The following NPEPPS variants were observed in gnomAD, a reference collection of about 807,000 sequenced individuals.
NPEPPS encodes the protein aminopeptidase puromycin sensitive, also known as puromycin-sensitive aminopeptidase.
In NPEPPS, 14 loss-of-function variants were observed where a neutral mutation model predicts 115.5. That is an observed-to-expected ratio of 0.12 (90% CI 0.08 to 0.19). The LOEUF (loss-of-function observed/expected upper bound fraction) is 0.19. Among genes scored for constraint, NPEPPS ranks in the 10% least tolerant of loss-of-function variants. The pLI is 1.00. For synonymous variants in NPEPPS, 285 were observed against 390.6 expected, an observed-to-expected ratio of 0.73 and a Z score of 3.19; for missense variants, 523 against 1,110.8, an observed-to-expected ratio of 0.47 and a Z score of 7.52.
At chr17:47,584,450 T>C (rs1415904076) in intron 5 of NPEPPS, among the ~76,000 whole-genome samples, 1 of 152,128 alleles carries the variant, frequency 6.6e-6, no homozygotes, top group Non-Finnish European at 1.5e-5. Flanking sequence ...TGTGGGGAAC[T>C]TGGAAAAACC....
intron 9 of NPEPPS, among the ~76,000 whole-genome samples, chr17:47,588,986 G>A (rs924266349): frequency 1.3e-5 from 2 of 152,156 alleles, no homozygotes; most frequent in African/African-American, 4.8e-5. Context: ...GCACAATCAT[G>A]GTTCATTACA....
At chr17:47,586,938 C>T (rs1307950998) in intron 8 of NPEPPS, 3 of 400,662 alleles carry the variant, frequency 7.5e-6, no homozygotes, top group Non-Finnish European at 1.4e-5. Flanking sequence ...CTCTCTCCAT[C>T]TAGCACAGTA....
Position 47,610,845 on chromosome 17 carries a change from C to CTTTTTTTTTTTTT in NPEPPS, c.2096-1601_2096-1589dup, listed in dbSNP as rs59893483. Reference sequence around the variant, plus strand: ...GAAATTGCTGAGTCATATGATGACTCTTTTTTTTTTTTTTTTTTTTTTTTT... The same window carrying CTTTTTTTTTTTTT: ...GAAATTGCTGAGTCATATGATGACTCTTTTTTTTTTTTTTTTTTTTTTTTTTTTTTTTTTTTTT... On this transcript the variant is annotated intron_variant, in intron 17 of 22. Coordinates refer to ENST00000322157, the MANE Select transcript of NPEPPS (RefSeq NM_006310.4). 1.6e-4 allele frequency among the ~76,000 whole-genome samples: 16 copies of CTTTTTTTTTTTTT among 100,116 alleles called. 2 individuals carry two copies. The highest frequency in any genetic ancestry group is 4.6e-4 in the African/African-American group (11 of 23,976). 65.7% of individuals were successfully genotyped at this position (100,116 alleles called of 152,430 possible). A position where few individuals can be genotyped will look rare whatever the true frequency, so the allele number is the denominator to read the frequency against.
At chr17:47,536,704 CTTTTTTT>C (rs572115219) in intron 1 of NPEPPS, among the ~76,000 whole-genome samples, 36 of 76,838 alleles carry the variant, frequency 4.7e-4, no homozygotes, top group South Asian at 1.4e-3. Flanking sequence ...TGCCTGGCTT[CTTTTTTT>C]TTTTTTTTTT....
chr17:47,537,021 C>CAT (rs1425657689), intron 1 of NPEPPS, among the ~76,000 whole-genome samples: 2 of 152,010 alleles, frequency 1.3e-5, no homozygotes, highest in Non-Finnish European at 2.9e-5. Context: ...CCATTTTCTG[C>CAT]ATATTTTCTA....
chr17:47,602,820 T>A (rs72831607), intron 15 of NPEPPS, among the ~76,000 whole-genome samples: 4,189 of 152,048 alleles, frequency 0.028, 79 homozygotes, highest in Non-Finnish European at 0.044. Flanking sequence ...TTTACTTTTT[T>A]AAATATATAT....
At chr17:47,535,636 T>A (rs1908182117) in intron 1 of NPEPPS, among the ~76,000 whole-genome samples, 1 of 151,056 alleles carries the variant, frequency 6.6e-6, no homozygotes, top group Admixed American at 6.6e-5. Context: ...CAGAAGTTTC[T>A]CTAGGCCCAA....
chr17:47,607,010 T>C (rs1441760229), intron 17 of NPEPPS, among the ~76,000 whole-genome samples: 4 of 151,844 alleles, frequency 2.6e-5, no homozygotes, highest in African/African-American at 9.7e-5. Flanking sequence ...CTGGCCAAGA[T>C]GGTGAAACCC....
In NPEPPS at chr17:47,622,702, C is replaced by CTGAT. The variant is rs1195650300; in HGVS notation, c.*783_*786dup. On this transcript the variant is annotated 3_prime_UTR_variant, in exon 23 of 23. Transcript: ENST00000322157. ...TCATAGCCACATTAAATAAGAGAAACTGATATACATTATTTTTTTCTTTTT... is the reference window on the plus strand; with the variant it reads ...TCATAGCCACATTAAATAAGAGAAACTGATTGATATACATTATTTTTTTCTTTTT... 5.3e-6 allele frequency: 2 copies of CTGAT among 377,930 alleles called. No individual in the cohort carries two copies. The highest frequency in any genetic ancestry group is 4.3e-5 in the African/African-American group (2 of 46,036). The allele number at this position is 377,930 out of a possible 1,614,324, so 23.4% of individuals were successfully genotyped here.
At position 47,531,570 on chromosome 17, in the gene NPEPPS, G is replaced by A; in HGVS notation, c.255+15G>A. 1.3e-6 allele frequency: 2 copies of A among 1,588,056 alleles called. No homozygotes were observed. Among genetic ancestry groups the A allele is most frequent in the Non-Finnish European group, 1.7e-6 (2 of 1,169,310 alleles). On this transcript the variant is annotated intron_variant, in intron 1 of 22. Coordinates refer to ENST00000322157, the MANE Select transcript of NPEPPS (RefSeq NM_006310.4). ...CCGCCGCCCAGGTACAGCGACCCTC[G>A]GGCCCCGGGGCAAGCTGCGGGGCGA...
At chr17:47,530,812 C>G (rs1907680998), upstream of NPEPPS, among the ~76,000 whole-genome samples, 1 of 151,970 alleles carries the variant, frequency 6.6e-6, no homozygotes, top group African/African-American at 2.4e-5. Flanking sequence ...TGCATGCGAC[C>G]CTGGCTGAAC....
chr17:47,582,640 A>T (rs1307208269), intron 4 of NPEPPS, 102 bp from the exon 5 acceptor site: 2 of 800,612 alleles, frequency 2.5e-6, no homozygotes, highest in Non-Finnish European at 4.3e-6. Flanking sequence ...TAAATATTTG[A>T]ACAAGGGAAT....
chr17:47,541,681 C>A (rs1157988947), intron 1 of NPEPPS, among the ~76,000 whole-genome samples: 1 of 152,120 alleles, frequency 6.6e-6, no homozygotes, highest in Non-Finnish European at 1.5e-5. Flanking sequence ...AGCCATGTTT[C>A]TGAATTTTTA....
intron 14 of NPEPPS, among the ~76,000 whole-genome samples, chr17:47,601,022 A>G (rs1361439517): frequency 6.6e-6 from 1 of 152,056 alleles, no homozygotes; most frequent in Non-Finnish European, 1.5e-5. Context: ...CAGGAGTTTG[A>G]GACCAGCCTG....
At chr17:47,555,025 C>T (rs557816924) in intron 2 of NPEPPS, among the ~76,000 whole-genome samples, 1 of 152,172 alleles carries the variant, frequency 6.6e-6, no homozygotes, top group Admixed American at 6.5e-5. Flanking sequence ...TGACTCTAGG[C>T]AGTTGAAACT....
rs371419954 is a variant in NPEPPS, at chr17:47,568,759, G to T, written c.341-658G>T. On this transcript the variant is annotated intron_variant, in intron 2 of 22. Transcript: ENST00000322157. Reference sequence around the variant, plus strand: ...CAACCTCCGCCTCCCGGGTTCAAGCGATTCTCCTGCCTTAGCCTCCCAAGT... The same window carrying T: ...CAACCTCCGCCTCCCGGGTTCAAGCTATTCTCCTGCCTTAGCCTCCCAAGT... Among the ~76,000 whole-genome samples the T allele has an allele frequency of 7.2e-5, 11 of 152,122 alleles. No individual in the cohort carries two copies. In the East Asian group the frequency reaches 2.1e-3, roughly 29 times the overall value.
At chr17:47,573,393 A>G (rs1911316400) in intron 3 of NPEPPS, among the ~76,000 whole-genome samples, 1 of 152,168 alleles carries the variant, frequency 6.6e-6, no homozygotes, top group South Asian at 2.1e-4. Flanking sequence ...AGTGAATCTG[A>G]TTTTCAACCT....
chr17:47,536,694 T>A (rs911250989), intron 1 of NPEPPS, among the ~76,000 whole-genome samples: 5 of 138,958 alleles, frequency 3.6e-5, no homozygotes, highest in Non-Finnish European at 7.7e-5. Context: ...CGAGCCACCG[T>A]GCCTGGCTTC....
At chr17:47,608,551 T>C (rs1202431428) in intron 17 of NPEPPS, among the ~76,000 whole-genome samples, 1 of 149,274 alleles carries the variant, frequency 6.7e-6, no homozygotes, top group Non-Finnish European at 1.5e-5. Context: ...GACAGGAGAG[T>C]TGGTTGAGTC....
Sources: allele counts gnomAD v4.1 joint callset (sites outside exome capture counted in the v4.1 genomes callset), GRCh38; gene constraint gnomAD v4.1.1; transcripts MANE v1.5; gene names NCBI Gene and HGNC (gene_info 2026-07-23, HGNC 2026-07-21).